The following PARD3B variants were observed in gnomAD, a reference collection of about 807,000 sequenced individuals.
PARD3B encodes partitioning defective 3 homolog B.
A neutral mutation model predicts 130.2 loss-of-function variants in PARD3B; 103 were observed. The ratio of observed to expected loss-of-function variants is 0.79; its 90% CI spans 0.67 to 0.93. The LOEUF (loss-of-function observed/expected upper bound fraction) is 0.93, where lower values mean the gene tolerates loss of function less well. PARD3B is among the 40% of genes least tolerant of loss of function. PARD3B has a pLI of 0.00. For missense variants in PARD3B, 1,609 were observed against 1,499.2 expected (o/e 1.07, Z -1.21); for synonymous variants, 583 against 553.2 (o/e 1.05, Z -0.76).
chr2:204,739,265 A>G (rs999918856), intron 2 of PARD3B, among the ~76,000 whole-genome samples: 2 of 152,004 alleles, frequency 1.3e-5, no homozygotes, highest in Non-Finnish European at 1.5e-5. Context: ...ATTGTGCCCC[A>G]GTATCTATGT....
intron 19 of PARD3B, among the ~76,000 whole-genome samples, chr2:205,435,600 T>C (rs1409970814): frequency 2.6e-5 from 4 of 152,076 alleles, no homozygotes; most frequent in Admixed American, 6.6e-5. Flanking sequence ...AGTGGTTTCT[T>C]TGTAATTATA....
At chr2:204,871,788 A>G (rs1330924625) in intron 2 of PARD3B, among the ~76,000 whole-genome samples, 1 of 152,116 alleles carries the variant, frequency 6.6e-6, no homozygotes, top group East Asian at 1.9e-4. Context: ...ATCTGGAGCT[A>G]GATGGAGCTA....
chr2:204,734,099 A>C (rs1287558043), intron 2 of PARD3B, among the ~76,000 whole-genome samples: 1 of 152,178 alleles, frequency 6.6e-6, no homozygotes, highest in Non-Finnish European at 1.5e-5. Context: ...CCCTGATTAA[A>C]ACTGGGGTCC....
intron 1 of PARD3B, among the ~76,000 whole-genome samples, chr2:204,611,160 G>A (rs904245515): frequency 6.6e-6 from 1 of 152,156 alleles, no homozygotes; most frequent in African/African-American, 2.4e-5. Context: ...AGCTCAGCAT[G>A]AGTCCTAATG....
chr2:204,720,207 A>G (rs1339064828), intron 2 of PARD3B, among the ~76,000 whole-genome samples: 1 of 152,204 alleles, frequency 6.6e-6, no homozygotes, highest in Non-Finnish European at 1.5e-5. Context: ...GAAATGATCC[A>G]TATACTGAAT....
chr2:204,778,647 C>A (rs1178024423), intron 2 of PARD3B, among the ~76,000 whole-genome samples: 2 of 152,192 alleles, frequency 1.3e-5, no homozygotes, highest in Admixed American at 6.5e-5. Flanking sequence ...CCTCTCTCAT[C>A]ACCCACCAGT....
chr2:205,088,658 G>T (rs1224149264), intron 4 of PARD3B, among the ~76,000 whole-genome samples: 1 of 152,170 alleles, frequency 6.6e-6, no homozygotes, highest in African/African-American at 2.4e-5. Flanking sequence ...GAGAGTTACT[G>T]ACTTACACTG....
chr2:204,741,079 G>A (rs1173949667), intron 2 of PARD3B, among the ~76,000 whole-genome samples: 4 of 151,900 alleles, frequency 2.6e-5, no homozygotes, highest in Non-Finnish European at 4.4e-5. Context: ...TTTGAATAAC[G>A]CATAGTTTAA....
At chr2:205,464,936 A>T (rs2048571010) in intron 20 of PARD3B, among the ~76,000 whole-genome samples, 1 of 152,192 alleles carries the variant, frequency 6.6e-6, no homozygotes, top group Non-Finnish European at 1.5e-5. Context: ...TTAGTGAGTC[A>T]ACACTGGGCT....
chr2:205,385,107 A>G (rs1290439988), intron 18 of PARD3B, among the ~76,000 whole-genome samples: 1 of 152,154 alleles, frequency 6.6e-6, no homozygotes, highest in Non-Finnish European at 1.5e-5. Context: ...AAGAAATCTG[A>G]TTAGCTTATG....
chr2:205,053,737 G>A (rs955552325), intron 4 of PARD3B, among the ~76,000 whole-genome samples: 3 of 151,984 alleles, frequency 2.0e-5, no homozygotes, highest in East Asian at 3.9e-4. Flanking sequence ...AGAAACACTG[G>A]AACAAAATAA....
At chr2:205,432,244 C>T (rs988770979) in intron 19 of PARD3B, among the ~76,000 whole-genome samples, 1 of 152,162 alleles carries the variant, frequency 6.6e-6, no homozygotes, top group African/African-American at 2.4e-5. Context: ...ATTGTAATAA[C>T]CCCCTAACTG....
intron 18 of PARD3B, among the ~76,000 whole-genome samples, chr2:205,379,413 A>G (rs1407100421): frequency 6.6e-6 from 1 of 152,040 alleles, no homozygotes; most frequent in African/African-American, 2.4e-5. Context: ...ATCTTTAGGG[A>G]CGAATCCAGA....
chr2:205,195,401 C>T (rs778102836), intron 15 of PARD3B, among the ~76,000 whole-genome samples: 4 of 152,132 alleles, frequency 2.6e-5, no homozygotes, highest in Non-Finnish European at 5.9e-5. Context: ...TGCTCCTTTC[C>T]AAGAAGTACC....
At chr2:205,313,571 A>G (rs1398483453) in intron 18 of PARD3B, among the ~76,000 whole-genome samples, 1 of 152,184 alleles carries the variant, frequency 6.6e-6, no homozygotes, top group Non-Finnish European at 1.5e-5. Flanking sequence ...ATTTTGTCAT[A>G]CTTATCACAA....
chr2:204,947,753 AT>A (rs1689450631), intron 2 of PARD3B, among the ~76,000 whole-genome samples: 1 of 152,154 alleles, frequency 6.6e-6, no homozygotes, highest in Admixed American at 6.5e-5. Flanking sequence ...AGGTTATGAA[AT>A]AACACCTTTG....
intron 19 of PARD3B, among the ~76,000 whole-genome samples, chr2:205,420,401 CAGAA>C (rs2046928073): frequency 6.6e-6 from 1 of 152,142 alleles, no homozygotes; most frequent in Non-Finnish European, 1.5e-5. Context: ...TTGCAGGTGA[CAGAA>C]AGGTTAAATA....
At position 205,522,062 on chromosome 2, in the gene PARD3B, A is replaced by G. The variant is rs976588858; in HGVS notation, c.3180+22031A>G. ...TTCTGTAAAATTATATCTCTTTGAGATTTTTAAGTTTTTAGTGTATTTTAT... is the reference window on the plus strand; with the variant it reads ...TTCTGTAAAATTATATCTCTTTGAGGTTTTTAAGTTTTTAGTGTATTTTAT... On this transcript the variant is annotated intron_variant, in intron 21 of 22. Coordinates refer to ENST00000406610, the MANE Select transcript of PARD3B (RefSeq NM_001302769.2). Among the ~76,000 whole-genome samples the G allele has an allele frequency of 4.6e-5, 7 of 151,030 alleles. No individual in the cohort carries two copies. In the South Asian group the frequency reaches 6.3e-4, roughly 14 times the overall value.
chr2:205,557,608 T>C (rs1044615178), intron 22 of PARD3B, among the ~76,000 whole-genome samples: 5 of 152,206 alleles, frequency 3.3e-5, no homozygotes, highest in African/African-American at 1.2e-4. Flanking sequence ...CTTCAGGCTC[T>C]GTTTTCTAAT....
Sources: gnomAD v4.1 joint callset for allele counts (sites outside exome capture counted in the v4.1 genomes callset) on GRCh38, gnomAD v4.1.1 for gene constraint, MANE v1.5 for transcripts, NCBI Gene and HGNC (gene_info 2026-07-23, HGNC 2026-07-21) for gene names.